Variants in LYSMD1 observed in about 807,000 individuals in gnomAD.
LYSMD1 encodes LysM domain containing 1.
Under a neutral mutation model 19.3 loss-of-function variants are expected in LYSMD1, and 9 were observed. The ratio of observed to expected loss-of-function variants is 0.47; its 90% CI spans 0.28 to 0.81. The LOEUF (loss-of-function observed/expected upper bound fraction) is 0.81. Ranked by LOEUF, LYSMD1 falls within the 40% of genes least tolerant of loss-of-function variation. The pLI is 0.11. For missense variants in LYSMD1, 262 were observed against 279.8 expected, an observed-to-expected ratio of 0.94 and a Z score of 0.45; for synonymous variants, 111 against 111.7, an observed-to-expected ratio of 0.99 and a Z score of 0.04.
At chr1:151,152,224 C>T in the LYSMD1 span, among the ~76,000 whole-genome samples, 1 of 151,780 alleles carries the variant, frequency 6.6e-6, no homozygotes, top group East Asian at 1.9e-4. Flanking sequence ...GGTGAAACCC[C>T]GTGTCGATTA....
At chr1:151,159,279 T>C (rs1372656490), downstream of LYSMD1, 3 of 1,584,248 alleles carry the variant, frequency 1.9e-6, no homozygotes, top group African/African-American at 4.0e-5. Context: ...ACATTCCACC[T>C]TGACAAAATG....
At chr1:151,149,691 C>T in the LYSMD1 span, among the ~76,000 whole-genome samples, 2 of 152,080 alleles carry the variant, frequency 1.3e-5, no homozygotes, top group Admixed American at 6.6e-5. Context: ...GCGGAGCTTG[C>T]AGTGAGCCGA....
In LYSMD1 at chr1:151,165,365, C is replaced by G; in HGVS notation, c.-107G>C. On this transcript the variant is annotated 5_prime_UTR_variant, in exon 1 of 3. Transcript: ENST00000368908. ...TGAATATTCAGGGGATTCCTTTCCCCCTCTCTCTTCCCCTGTGTCCCCGCC... is the reference window on the plus strand; with the variant it reads ...TGAATATTCAGGGGATTCCTTTCCCGCTCTCTCTTCCCCTGTGTCCCCGCC... The G allele has an allele frequency of 1.3e-6, 2 of 1,499,084 alleles. No homozygotes were observed. Among genetic ancestry groups the G allele is most frequent in the Non-Finnish European group, 1.8e-6 (2 of 1,125,496 alleles). The allele number at this position is 1,499,084 out of a possible 1,614,324, so 92.9% of individuals were successfully genotyped here. A position where few individuals can be genotyped will look rare whatever the true frequency, so the allele number is the denominator to read the frequency against.
intron 1 of LYSMD1, among the ~76,000 whole-genome samples, chr1:151,164,626 C>G (rs935403872): frequency 2.0e-5 from 3 of 152,216 alleles, no homozygotes; most frequent in Admixed American, 6.5e-5. Context: ...AACTAAAAAT[C>G]AGCTCTCCAT....
intron 1 of LYSMD1, among the ~76,000 whole-genome samples, chr1:151,163,878 T>TTGTGTGGGTG (rs587639832): frequency 7.0e-6 from 1 of 141,948 alleles, no homozygotes; most frequent in Non-Finnish European, 1.6e-5. Flanking sequence ...TTTCCTATCT[T>TTGTGTGGGTG]TGTGTGTGTG....
chr1:151,159,536 G>A (rs998696282), downstream of LYSMD1: 14 of 350,602 alleles, frequency 4.0e-5, no homozygotes, highest in Non-Finnish European at 7.3e-5. Context: ...TCTCCCATAA[G>A]GGACTTCTGA....
chr1:151,162,752 C>T (rs1178834316), intron 1 of LYSMD1, among the ~76,000 whole-genome samples: 1 of 152,110 alleles, frequency 6.6e-6, no homozygotes, highest in African/African-American at 2.4e-5. Context: ...ATCACCATAC[C>T]AAGTGGTCAA....
chr1:151,156,049 G>A (rs917039862), downstream of LYSMD1, among the ~76,000 whole-genome samples: 5 of 133,634 alleles, frequency 3.7e-5, no homozygotes, highest in African/African-American at 8.3e-5. Context: ...GCAGTGAGCC[G>A]AGATCACCCC....
the LYSMD1 span, among the ~76,000 whole-genome samples, chr1:151,148,620 G>T: frequency 1.3e-5 from 2 of 152,098 alleles, no homozygotes; most frequent in African/African-American, 4.8e-5. Flanking sequence ...AATATTCTCC[G>T]AAGACTGCAC....
At chr1:151,158,318 G>A (rs1325132893), downstream of LYSMD1, among the ~76,000 whole-genome samples, 13 of 141,860 alleles carry the variant, frequency 9.2e-5, no homozygotes, top group South Asian at 2.2e-4. Context: ...GCAAGACTCC[G>A]TCTCAAAAAA....
chr1:151,156,100 C>CAAAAA (rs751524835), downstream of LYSMD1, among the ~76,000 whole-genome samples: 187 of 38,124 alleles, frequency 4.9e-3, 14 homozygotes, highest in Non-Finnish European at 7.7e-3. Flanking sequence ...AACTCTGTCT[C>CAAAAA]AAAAAAAAAA....
At chr1:151,158,143 T>G (rs1463568879), downstream of LYSMD1, among the ~76,000 whole-genome samples, 2 of 151,974 alleles carry the variant, frequency 1.3e-5, no homozygotes, top group Non-Finnish European at 2.9e-5. Context: ...GCCAACATGG[T>G]GAAACGCTGT....
chr1:151,157,086 G>C (rs1464488288), downstream of LYSMD1, among the ~76,000 whole-genome samples: 1 of 152,202 alleles, frequency 6.6e-6, no homozygotes, highest in Non-Finnish European at 1.5e-5. Context: ...GAAACAGGGA[G>C]AGAGGGAGAA....
downstream of LYSMD1, chr1:151,159,311 A>G: frequency 6.6e-7 from 1 of 1,521,566 alleles, no homozygotes; most frequent in Non-Finnish European, 8.9e-7. Flanking sequence ...AAACACAGAT[A>G]ATGGGCTTCC....
downstream of LYSMD1, among the ~76,000 whole-genome samples, chr1:151,158,239 C>G (rs587754845): frequency 1.1e-4 from 17 of 151,624 alleles, no homozygotes; most frequent in African/African-American, 3.9e-4. Flanking sequence ...AGGAGAATAG[C>G]TTGAACCCGG....
At chr1:151,153,828 C>T in the LYSMD1 span, among the ~76,000 whole-genome samples, 1 of 151,628 alleles carries the variant, frequency 6.6e-6, no homozygotes, top group Non-Finnish European at 1.5e-5. Flanking sequence ...GCAGTGGGTG[C>T]TTGAAATCCC....
intron 1 of LYSMD1, among the ~76,000 whole-genome samples, chr1:151,163,098 A>G (rs954208547): frequency 7.9e-5 from 12 of 152,148 alleles, no homozygotes; most frequent in African/African-American, 2.4e-4. Flanking sequence ...TTTTCTTTGA[A>G]CATTCCATGA....
chr1:151,156,100 CAAAAAAAAAA>C (rs751524835), downstream of LYSMD1, among the ~76,000 whole-genome samples: 44 of 38,130 alleles, frequency 1.2e-3, no homozygotes, highest in East Asian at 4.0e-3. Flanking sequence ...AACTCTGTCT[CAAAAAAAAAA>C]AAAAAAAAAA....
downstream of LYSMD1, chr1:151,159,376 C>A: frequency 9.2e-7 from 1 of 1,091,846 alleles, no homozygotes; most frequent in Non-Finnish European, 1.3e-6. Context: ...CATTCCTTCC[C>A]AAGAGTGCTT....
Sources: allele counts gnomAD v4.1 joint callset (sites outside exome capture counted in the v4.1 genomes callset), GRCh38; gene constraint gnomAD v4.1.1; transcripts MANE v1.5; gene names NCBI Gene and HGNC (gene_info 2026-07-23, HGNC 2026-07-21).